The following MITF variants were observed in gnomAD, a reference collection of about 807,000 sequenced individuals.
MITF encodes microphthalmia-associated transcription factor.
A neutral mutation model predicts 60.5 loss-of-function variants in MITF; 17 were observed. The observed-to-expected ratio is 0.28, with a 90% CI of 0.19 to 0.42. The LOEUF (loss-of-function observed/expected upper bound fraction) is 0.42, where lower values mean the gene tolerates loss of function less well. Ranked by LOEUF, MITF falls within the 10% of genes least tolerant of loss-of-function variation. The pLI, the probability that MITF is intolerant of heterozygous loss-of-function variation, is 1.00. For missense variants in MITF, 622 were observed against 683.5 expected (o/e 0.91, Z 1.00); for synonymous variants, 260 against 248.5 (o/e 1.05, Z -0.43).
At chr3:69,744,391 A>G (rs890510307) in intron 1 of MITF, among the ~76,000 whole-genome samples, 2 of 151,912 alleles carry the variant, frequency 1.3e-5, no homozygotes, top group South Asian at 2.1e-4. Context: ...TAGCATAGAG[A>G]TGAAGAGCCT....
At position 69,966,203 on chromosome 3, in the gene MITF, A is replaced by G. The variant is rs2066687039; in HGVS notation, c.*955A>G. The G allele has an allele frequency of 4.3e-6, 1 of 232,224 alleles. No homozygotes were observed. Among genetic ancestry groups the G allele is most frequent in the Non-Finnish European group, 8.5e-6 (1 of 117,370 alleles). 14.4% of individuals were successfully genotyped at this position (232,224 alleles called of 1,614,324 possible). A position where few individuals can be genotyped will look rare whatever the true frequency, so the allele number is the denominator to read the frequency against. ...ATTCTTTATTATCATTGTTCTTTTC[A>G]ATATATTTGTATTAATTTGTAAGAA... On this transcript the variant is annotated 3_prime_UTR_variant, in exon 10 of 10. Coordinates refer to ENST00000352241, the MANE Select transcript of MITF (RefSeq NM_001354604.2).
At chr3:69,785,781 C>T (rs142115680) in intron 1 of MITF, among the ~76,000 whole-genome samples, 1 of 152,202 alleles carries the variant, frequency 6.6e-6, no homozygotes, top group African/African-American at 2.4e-5. Context: ...AGACCATGTC[C>T]ATCTACTGAA....
rs776844735 is a variant in MITF at position 69,939,052 on chromosome 3, A to G, written c.583-46A>G. On this transcript the variant is annotated intron_variant, in intron 3 of 9. Transcript: ENST00000352241. ...TGTGTGAACAGGTCATTAAAAAGTC[A>G]TTTGCAAATCCAAGTTATAGACTGT... The G allele has an allele frequency of 5.0e-6, 8 of 1,604,424 alleles. No individual in the cohort carries two copies. In the Admixed American group the frequency reaches 1.0e-4, roughly 21 times the overall value.
intron 1 of MITF, among the ~76,000 whole-genome samples, chr3:69,790,417 T>C (rs1450629599): frequency 6.6e-6 from 1 of 152,216 alleles, no homozygotes; most frequent in Non-Finnish European, 1.5e-5. Context: ...TGCACAACAA[T>C]GTGAATGTAA....
Position 69,739,735 on chromosome 3 carries a change from G to A in MITF, c.104+34G>A, listed in dbSNP as rs1023211271. 5.4e-6 allele frequency: 8 copies of A among 1,494,862 alleles called. No homozygotes were observed. In the African/African-American group the frequency reaches 9.7e-5, roughly 18 times the overall value. 92.6% of individuals were successfully genotyped at this position (1,494,862 alleles called of 1,614,324 possible). ...TGACAGCTGGGCAGAGGCGCACCGGGCGGCTGGGGGGCACTGCGTCTGCCA... is the reference window on the plus strand; with the variant it reads ...TGACAGCTGGGCAGAGGCGCACCGGACGGCTGGGGGGCACTGCGTCTGCCA... On this transcript the variant is annotated intron_variant, in intron 1 of 9. Transcript: ENST00000352241.
At chr3:69,814,833 AG>A (rs1409530883) in intron 1 of MITF, among the ~76,000 whole-genome samples, 3 of 152,128 alleles carry the variant, frequency 2.0e-5, no homozygotes, top group Non-Finnish European at 4.4e-5. Context: ...ACAAAGGCTA[AG>A]TATTACCAGC....
chr3:69,884,021 C>A (rs531789846), intron 2 of MITF, among the ~76,000 whole-genome samples: 11 of 152,256 alleles, frequency 7.2e-5, no homozygotes, highest in African/African-American at 2.2e-4. Context: ...GACAGCTCTT[C>A]ATTCTCCCAG....
chr3:69,857,358 C>G (rs888017984), intron 1 of MITF, among the ~76,000 whole-genome samples: 2 of 151,942 alleles, frequency 1.3e-5, no homozygotes, highest in South Asian at 4.2e-4. Flanking sequence ...CCCTGCCCCC[C>G]CCAGTTTCTT....
intron 2 of MITF, among the ~76,000 whole-genome samples, chr3:69,882,352 T>C (rs978480291): frequency 6.6e-6 from 1 of 152,118 alleles, no homozygotes; most frequent in African/African-American, 2.4e-5. Flanking sequence ...TCATATTGAT[T>C]TTCATTTTTG....
chr3:69,866,414 A>AG lies in MITF; in HGVS notation c.105-12715dup, dbSNP rs1222283362. 3.8e-6 allele frequency: 6 copies of AG among 1,587,276 alleles called. No homozygotes were observed. In the African/African-American group the frequency reaches 4.1e-5, roughly 11 times the overall value. ...AGAGGAGCAGTTTTTTTTCTCTTTA[A>AG]GGGGGAGGATAAAGGAAGAGAAGGG... On this transcript the variant is annotated intron_variant, in intron 1 of 9. Transcript: ENST00000352241.
At chr3:69,867,330 AAAATAT>A (rs2064134862) in intron 1 of MITF, among the ~76,000 whole-genome samples, 1 of 152,326 alleles carries the variant, frequency 6.6e-6, no homozygotes, top group African/African-American at 2.4e-5. Context: ...TGATTCTTAA[AAAATAT>A]AAATATAATT....
At chr3:69,747,123 A>G (rs989075800) in intron 1 of MITF, among the ~76,000 whole-genome samples, 4 of 152,120 alleles carry the variant, frequency 2.6e-5, no homozygotes, top group African/African-American at 9.7e-5. Context: ...CTGGGTGCTG[A>G]GTGTCAGTCT....
chr3:69,851,936 G>A (rs1421380872), intron 1 of MITF, among the ~76,000 whole-genome samples: 1 of 151,992 alleles, frequency 6.6e-6, no homozygotes, highest in Non-Finnish European at 1.5e-5. Flanking sequence ...ATATTTATTG[G>A]TGAGCTGCTA....
chr3:69,760,331 G>A (rs2062194364), intron 1 of MITF, among the ~76,000 whole-genome samples: 1 of 152,152 alleles, frequency 6.6e-6, no homozygotes. Context: ...TTGGGGCCTA[G>A]CCTGGGAGGG....
At chr3:69,860,585 G>A (rs907501333) in intron 1 of MITF, among the ~76,000 whole-genome samples, 10 of 119,934 alleles carry the variant, frequency 8.3e-5, no homozygotes, top group Non-Finnish European at 1.5e-4. Context: ...GCGACAGAAC[G>A]AGACTCCGTC....
rs542141862 is a variant in MITF, at chr3:69,755,433, G to GTTTTTTTTTTTT, written c.104+15759_104+15770dup. ...ATCTTTGTATCTTTTACCCTTCTGG[G>GTTTTTTTTTTTT]TTTTTTTTTTTTTTTTTTTTTTTTT... On this transcript the variant is annotated intron_variant, in intron 1 of 9. Transcript: ENST00000352241. 1.1e-4 allele frequency among the ~76,000 whole-genome samples: 4 copies of GTTTTTTTTTTTT among 35,424 alleles called. 1 individual carries two copies. The highest frequency in any genetic ancestry group is 4.1e-4 in the African/African-American group (3 of 7,256). 23.2% of individuals were successfully genotyped at this position (35,424 alleles called of 152,430 possible).
chr3:69,879,010 T>C (rs1486088273), intron 1 of MITF, 124 bp from the exon 2 acceptor site: 1 of 772,086 alleles, frequency 1.3e-6, no homozygotes, highest in Non-Finnish European at 2.3e-6. Flanking sequence ...AGTACCATTC[T>C]GTGACTTGAT....
intron 1 of MITF, among the ~76,000 whole-genome samples, chr3:69,835,369 G>A (rs917581946): frequency 1.3e-5 from 2 of 152,050 alleles, no homozygotes; most frequent in Non-Finnish European, 2.9e-5. Context: ...TAGCTATTCT[G>A]GATATTAACT....
chr3:69,796,494 C>CTTTTTTTTTTTTTTTTTTTT lies in MITF; in HGVS notation c.104+56797_104+56816dup, dbSNP rs767834091. On this transcript the variant is annotated intron_variant, in intron 1 of 9. Transcript: ENST00000352241. ...TGTGAAGCTTACAAACACCGTCTTTCTTTTTTTTTTTTTTTTTTTTTTTGA... is the reference window on the plus strand; with the variant it reads ...TGTGAAGCTTACAAACACCGTCTTTCTTTTTTTTTTTTTTTTTTTTTTTTTTTTTTTTTTTTTTTTTTTGA... Among the ~76,000 whole-genome samples, 13 of 80,312 alleles carry CTTTTTTTTTTTTTTTTTTTT rather than the reference C, an allele frequency of 1.6e-4. 4 individuals carry two copies. Among genetic ancestry groups the CTTTTTTTTTTTTTTTTTTTT allele is most frequent in the Non-Finnish European group, 2.3e-4 (9 of 38,548 alleles). 52.7% of individuals were successfully genotyped at this position (80,312 alleles called of 152,430 possible). A position where few individuals can be genotyped will look rare whatever the true frequency, so the allele number is the denominator to read the frequency against.
Sources: gnomAD v4.1 joint callset for allele counts (sites outside exome capture counted in the v4.1 genomes callset) on GRCh38, gnomAD v4.1.1 for gene constraint, MANE v1.5 for transcripts, NCBI Gene and HGNC (gene_info 2026-07-23, HGNC 2026-07-21) for gene names.